MACROD1: variants seen among roughly 807,000 people sequenced by gnomAD.
The protein encoded by MACROD1 is ADP-ribose glycohydrolase MACROD1.
Under a neutral mutation model 41.4 loss-of-function variants are expected in MACROD1, and 31 were observed. The observed-to-expected ratio is 0.75, with a 90% CI of 0.56 to 1.01. The LOEUF (loss-of-function observed/expected upper bound fraction) is 1.01. Among genes scored for constraint, MACROD1 ranks in the 50% least tolerant of loss-of-function variants. MACROD1 has a pLI of 0.00. For missense variants in MACROD1, 473 were observed against 460.0 expected (o/e 1.03, Z -0.26); for synonymous variants, 252 against 203.4 (o/e 1.24, Z -2.03).
intron 1 of MACROD1, among the ~76,000 whole-genome samples, chr11:64,153,943 C>T (rs1342612239): frequency 6.6e-6 from 1 of 152,058 alleles, no homozygotes; most frequent in Non-Finnish European, 1.5e-5. Context: ...GCATTCCACG[C>T]CCCTGCAGCT....
chr11:64,117,917 C>A (rs769906902), intron 3 of MACROD1: 1 of 1,613,852 alleles, frequency 6.2e-7, no homozygotes, highest in Admixed American at 1.7e-5. Flanking sequence ...CCATGGCGAG[C>A]CTGCCCCTGG....
chr11:64,101,640 G>A (rs1944672824), intron 3 of MACROD1, among the ~76,000 whole-genome samples: 1 of 152,148 alleles, frequency 6.6e-6, no homozygotes. Context: ...ATTTATAATT[G>A]GATGAAATCA....
chr11:64,144,363 C>T (rs1041455469), intron 3 of MACROD1, among the ~76,000 whole-genome samples: 2 of 152,158 alleles, frequency 1.3e-5, no homozygotes, highest in South Asian at 4.1e-4. Context: ...AGACTGTGTC[C>T]TTTGCAGCCC....
chr11:64,089,297 G>C (rs1421668559), intron 3 of MACROD1, among the ~76,000 whole-genome samples: 1 of 152,166 alleles, frequency 6.6e-6, no homozygotes, highest in African/African-American at 2.4e-5. Flanking sequence ...GTGAGACCGG[G>C]GTAGGGCAGC....
At chr11:64,115,860 GAA>G (rs1383932263) in intron 3 of MACROD1, among the ~76,000 whole-genome samples, 6 of 152,224 alleles carry the variant, frequency 3.9e-5, no homozygotes, top group Non-Finnish European at 5.9e-5. Context: ...GGCTTTGTGT[GAA>G]GTCTTGAGAG....
At position 64,067,901 on chromosome 11, in the gene MACROD1, C is replaced by A. The variant is rs1007291800; in HGVS notation, c.518-52620G>T. Among the ~76,000 whole-genome samples the A allele has an allele frequency of 3.9e-5, 6 of 152,050 alleles. No homozygotes were observed. The highest frequency in any genetic ancestry group is 3.9e-4 in the Admixed American group (6 of 15,266). ...CTGTCCATTTAGCCAGCGGTTCGCT[C>A]GGCTTTTAGGAGGGGGCTGGCGGTG... On this transcript the variant is annotated intron_variant, in intron 3 of 10. Transcript: ENST00000255681. This position sits in a 1 kb window ranked among gnomAD's most constrained non-coding sequence, Gnocchi z 4.6.
chr11:64,094,688 G>C (rs1028096368), intron 3 of MACROD1, among the ~76,000 whole-genome samples: 2 of 152,220 alleles, frequency 1.3e-5, no homozygotes, highest in Non-Finnish European at 2.9e-5. Context: ...TTGTCTTTGG[G>C]AAAAGTGGTT....
intron 3 of MACROD1, among the ~76,000 whole-genome samples, chr11:64,106,698 G>A (rs1346764803): frequency 6.6e-6 from 1 of 152,104 alleles, no homozygotes; most frequent in Admixed American, 6.5e-5. Flanking sequence ...TCTCTGCTGT[G>A]GCCCAGGATC....
At chr11:64,153,292 G>A (rs543399339) in intron 1 of MACROD1, among the ~76,000 whole-genome samples, 2 of 152,224 alleles carry the variant, frequency 1.3e-5, no homozygotes, top group Non-Finnish European at 2.9e-5. Context: ...AGCCCAGCCT[G>A]GCACCCTGGA....
At chr11:64,155,434 C>T (rs995197518) in intron 1 of MACROD1, among the ~76,000 whole-genome samples, 13 of 152,202 alleles carry the variant, frequency 8.5e-5, no homozygotes, top group African/African-American at 2.9e-4. Context: ...TTCGTGACCT[C>T]CCAACACCAT....
chr11:64,131,704 C>G (rs1280732529), intron 3 of MACROD1, among the ~76,000 whole-genome samples: 1 of 152,144 alleles, frequency 6.6e-6, no homozygotes, highest in Non-Finnish European at 1.5e-5. Context: ...CTGTGACTAC[C>G]AACCAAGCCT....
chr11:64,121,303 G>C (rs373497966), intron 3 of MACROD1, among the ~76,000 whole-genome samples: 4 of 152,186 alleles, frequency 2.6e-5, no homozygotes, highest in African/African-American at 7.2e-5. Flanking sequence ...GGCGGGGCTC[G>C]GCCCCTCTTA....
At chr11:64,133,085 T>G (rs1387318343) in intron 3 of MACROD1, among the ~76,000 whole-genome samples, 26 of 152,090 alleles carry the variant, frequency 1.7e-4, no homozygotes, top group Non-Finnish European at 1.5e-5. Context: ...TGTGGGGAAC[T>G]AGACCTCCCC....
chr11:64,021,787 G>T lies in MACROD1; in HGVS notation c.518-6506C>A, dbSNP rs901175710. Among the ~76,000 whole-genome samples the T allele has an allele frequency of 3.9e-5, 6 of 152,032 alleles. No homozygotes were observed. The South Asian group carries it at 1.0e-3, about 26-fold the overall frequency. On this transcript the variant is annotated intron_variant, in intron 3 of 10. Transcript: ENST00000255681. Reference sequence around the variant, plus strand: ...CAGCCAGCCCCACCGTGTGCCAGGCGCTGGGACACGGATGGGGCAGCCCTG... The same window carrying T: ...CAGCCAGCCCCACCGTGTGCCAGGCTCTGGGACACGGATGGGGCAGCCCTG...
At chr11:64,159,742 C>A (rs1043608788) in intron 1 of MACROD1, among the ~76,000 whole-genome samples, 1 of 151,872 alleles carries the variant, frequency 6.6e-6, no homozygotes, top group African/African-American at 2.4e-5. Context: ...TGTGGTGAGC[C>A]GAGATTGCGC....
At chr11:64,010,264 TGTTG>T (rs1357871818) in intron 4 of MACROD1, among the ~76,000 whole-genome samples, 352 of 143,556 alleles carry the variant, frequency 2.5e-3, no homozygotes, top group Non-Finnish European at 3.6e-3. Context: ...CTGGCTGGCA[TGTTG>T]GTTGGGGTGT....
chr11:64,001,378 C>T, intron 4 of MACROD1: 2 of 700,798 alleles, frequency 2.9e-6, no homozygotes, highest in Non-Finnish European at 5.2e-6. Context: ...ATCGCCCACG[C>T]CAGGAGCTCC....
At chr11:64,092,874 C>G (rs752652485) in intron 3 of MACROD1, among the ~76,000 whole-genome samples, 1 of 152,246 alleles carries the variant, frequency 6.6e-6, no homozygotes, top group Admixed American at 6.5e-5. Flanking sequence ...AATGGGTAAC[C>G]GCTGGAGTGA....
chr11:64,030,207 T>C (rs503735), intron 3 of MACROD1, among the ~76,000 whole-genome samples: 50,576 of 149,190 alleles, frequency 0.34, 10,727 homozygotes, highest in Non-Finnish European at 0.48. Flanking sequence ...CTCTACCCAC[T>C]CCCCAGTAGC....
Sources: allele counts gnomAD v4.1 joint callset (sites outside exome capture counted in the v4.1 genomes callset), GRCh38; gene constraint gnomAD v4.1.1; non-coding constraint Gnocchi (gnomAD v3.1); transcripts MANE v1.5; gene names NCBI Gene and HGNC (gene_info 2026-07-23, HGNC 2026-07-21).